NTRK2: variants seen among roughly 807,000 people sequenced by gnomAD.
The protein encoded by NTRK2 is BDNF/NT-3 growth factors receptor.
Under a neutral mutation model 94.5 loss-of-function variants are expected in NTRK2, and 13 were observed. The observed-to-expected ratio is 0.14, with a 90% CI of 0.09 to 0.22. NTRK2 has a LOEUF of 0.22. NTRK2 is among the 10% of genes least tolerant of loss of function. The pLI is 1.00. For synonymous variants in NTRK2, 372 were observed against 407.4 expected (o/e 0.91, Z 1.05); for missense variants, 639 against 1,071.2 (o/e 0.60, Z 5.63).
chr9:84,936,766 A>C (rs1260204212), intron 15 of NTRK2, among the ~76,000 whole-genome samples: 1 of 152,172 alleles, frequency 6.6e-6, no homozygotes, highest in Non-Finnish European at 1.5e-5. Flanking sequence ...CTGTCATCTC[A>C]AATAAGGAGG....
chr9:84,756,251 A>G (rs978541404), intron 12 of NTRK2, among the ~76,000 whole-genome samples: 6 of 152,224 alleles, frequency 3.9e-5, no homozygotes, highest in Non-Finnish European at 5.9e-5. Flanking sequence ...TGCCAAAGGA[A>G]TAGGCAACCA....
At chr9:84,686,438 T>C in intron 2 of NTRK2, among the ~76,000 whole-genome samples, 1 of 152,212 alleles carries the variant, frequency 6.6e-6, no homozygotes, top group East Asian at 1.9e-4. Context: ...ATGAGAAAGA[T>C]TTGTGCCTTT....
At chr9:84,929,098 G>A (rs1474465576) in intron 14 of NTRK2, among the ~76,000 whole-genome samples, 1 of 152,122 alleles carries the variant, frequency 6.6e-6, no homozygotes, top group Non-Finnish European at 1.5e-5. Context: ...TCATAGCAAT[G>A]GGTATAGACA....
rs201773066 is a variant in NTRK2 at position 84,741,936 on chromosome 9, C to A, written c.1195+9C>A. On this transcript the variant is annotated intron_variant, in intron 10 of 18. Transcript: ENST00000277120. ...TGATGTAATTTATGAAGGTAGCTAT[C>A]GTGTTTTCTACTTTGTATTTCTTTT... 1.9e-6 allele frequency: 3 copies of A among 1,608,382 alleles called. No homozygotes were observed. The highest frequency in any genetic ancestry group is 2.6e-6 in the Non-Finnish European group (3 of 1,176,100).
At chr9:84,753,414 T>C (rs2064812671) in intron 12 of NTRK2, among the ~76,000 whole-genome samples, 1 of 152,164 alleles carries the variant, frequency 6.6e-6, no homozygotes, top group Non-Finnish European at 1.5e-5. Flanking sequence ...AGGCCTAGTG[T>C]TCACCTGACA....
In NTRK2 at chr9:84,900,455, A is replaced by G. The variant is rs573222712; in HGVS notation, c.1633+33024A>G. On this transcript the variant is annotated intron_variant, in intron 14 of 18. Transcript: ENST00000277120. ...GGCTAGTGAGGAAAGGATATTCTTCAAGTTTTCATCCTGAAGTCCAGAAAC... is the reference window on the plus strand; with the variant it reads ...GGCTAGTGAGGAAAGGATATTCTTCGAGTTTTCATCCTGAAGTCCAGAAAC... 4.6e-5 allele frequency among the ~76,000 whole-genome samples: 7 copies of G among 152,270 alleles called. No homozygotes were observed. In the East Asian group the frequency reaches 1.4e-3, roughly 29 times the overall value.
At chr9:84,792,942 T>C (rs2068877997) in intron 12 of NTRK2, among the ~76,000 whole-genome samples, 1 of 152,192 alleles carries the variant, frequency 6.6e-6, no homozygotes, top group African/African-American at 2.4e-5. Context: ...GTGACCAAGA[T>C]GTAGTGGTTG....
At chr9:84,866,473 C>T in intron 13 of NTRK2, among the ~76,000 whole-genome samples, 1 of 152,200 alleles carries the variant, frequency 6.6e-6, no homozygotes, top group East Asian at 1.9e-4. Context: ...CCCAGAACAA[C>T]TTTCAATGCT....
intron 12 of NTRK2, among the ~76,000 whole-genome samples, chr9:84,840,233 G>T (rs1463085643): frequency 7.0e-6 from 1 of 142,606 alleles, no homozygotes; most frequent in Non-Finnish European, 1.5e-5. Context: ...CTGCTACCTT[G>T]ATGCATTCCA....
intron 12 of NTRK2, chr9:84,810,492 T>C (rs2071654471): frequency 6.5e-7 from 1 of 1,536,102 alleles, no homozygotes; most frequent in Non-Finnish European, 9.0e-7. Context: ...TTAATTTTCA[T>C]TGATTTTTCT....
chr9:84,958,539 C>T (rs902656416), intron 17 of NTRK2, among the ~76,000 whole-genome samples: 1 of 152,152 alleles, frequency 6.6e-6, no homozygotes, highest in African/African-American at 2.4e-5. Context: ...GAAATGTGCT[C>T]CAGATGCCAT....
chr9:84,794,060 G>A (rs2069012336), intron 12 of NTRK2, among the ~76,000 whole-genome samples: 1 of 152,210 alleles, frequency 6.6e-6, no homozygotes, highest in Non-Finnish European at 1.5e-5. Context: ...TTTGTTTTGT[G>A]TCCAGTGTTG....
chr9:84,973,549 G>A (rs1013530982), intron 17 of NTRK2, among the ~76,000 whole-genome samples: 9 of 152,172 alleles, frequency 5.9e-5, no homozygotes, highest in Admixed American at 2.0e-4. Context: ...ACACAAGGTT[G>A]ACCTGCTGAC....
intron 2 of NTRK2, among the ~76,000 whole-genome samples, chr9:84,687,128 G>A (rs967942124): frequency 3.9e-5 from 6 of 152,026 alleles, no homozygotes; most frequent in Non-Finnish European, 4.4e-5. Context: ...TGCTCAGGCC[G>A]GTCTTGAACT....
intron 12 of NTRK2, among the ~76,000 whole-genome samples, chr9:84,806,055 A>G (rs2071073367): frequency 6.6e-6 from 1 of 152,206 alleles, no homozygotes; most frequent in South Asian, 2.1e-4. Context: ...AGACAAATAA[A>G]ACTCAACATT....
chr9:84,895,499 C>A (rs565070179), intron 14 of NTRK2, among the ~76,000 whole-genome samples: 6 of 152,296 alleles, frequency 3.9e-5, no homozygotes, highest in African/African-American at 1.4e-4. Flanking sequence ...GACCAGGCAC[C>A]CATAACCACA....
chr9:84,990,560 G>A (rs1343598758), intron 17 of NTRK2, among the ~76,000 whole-genome samples: 1 of 152,166 alleles, frequency 6.6e-6, no homozygotes, highest in African/African-American at 2.4e-5. Flanking sequence ...ATAAAGGCAT[G>A]GTGGAATTTG....
intron 14 of NTRK2, among the ~76,000 whole-genome samples, chr9:84,918,472 A>G (rs1193096291): frequency 2.0e-5 from 3 of 152,208 alleles, no homozygotes; most frequent in Non-Finnish European, 4.4e-5. Flanking sequence ...CCATGACTCC[A>G]TGGTTATTTG....
At chr9:84,878,087 G>A (rs2076136986) in intron 14 of NTRK2, among the ~76,000 whole-genome samples, 1 of 152,116 alleles carries the variant, frequency 6.6e-6, no homozygotes, top group African/African-American at 2.4e-5. Context: ...ACTCAGGTAG[G>A]CCAGCACTAG....
Sources: allele counts gnomAD v4.1 joint callset (sites outside exome capture counted in the v4.1 genomes callset), GRCh38; gene constraint gnomAD v4.1.1; transcripts MANE v1.5; gene names NCBI Gene and HGNC (gene_info 2026-07-23, HGNC 2026-07-21).